The following ACOXL variants were observed in gnomAD, a reference collection of about 807,000 sequenced individuals.
The protein encoded by ACOXL is acyl-coenzyme A oxidase-like protein.
A neutral mutation model predicts 71.9 loss-of-function variants in ACOXL; 70 were observed. The ratio of observed to expected loss-of-function variants is 0.97; its 90% CI spans 0.80 to 1.19. ACOXL has a LOEUF of 1.19. ACOXL is among the 50% of genes most tolerant of loss of function. The pLI, the probability that ACOXL is intolerant of heterozygous loss-of-function variation, is 0.00. For missense variants in ACOXL, 703 were observed against 736.3 expected, an observed-to-expected ratio of 0.95 and a Z score of 0.52; for synonymous variants, 253 against 281.6, an observed-to-expected ratio of 0.90 and a Z score of 1.02.
intron 1 of ACOXL, among the ~76,000 whole-genome samples, chr2:110,768,074 GT>G (rs1681348332): frequency 6.6e-6 from 1 of 152,188 alleles, no homozygotes; most frequent in South Asian, 2.1e-4. Flanking sequence ...GGAGGTTGCA[GT>G]GAGCCGAGAT....
chr2:110,921,003 A>T (rs2149290128), intron 11 of ACOXL, among the ~76,000 whole-genome samples: 1 of 152,252 alleles, frequency 6.6e-6, no homozygotes, highest in South Asian at 2.1e-4. Flanking sequence ...TGTTGGGTAG[A>T]TTTTAATAAA....
intron 10 of ACOXL, among the ~76,000 whole-genome samples, chr2:110,847,696 A>C (rs1692087343): frequency 6.6e-6 from 1 of 152,158 alleles, no homozygotes; most frequent in Non-Finnish European, 1.5e-5. Flanking sequence ...GCCCAAACCT[A>C]ATATGGGAGT....
intron 9 of ACOXL, among the ~76,000 whole-genome samples, chr2:110,814,544 G>A (rs1687700104): frequency 6.6e-6 from 1 of 152,120 alleles, no homozygotes; most frequent in South Asian, 2.1e-4. Flanking sequence ...AGTGAACTGG[G>A]CCATTTAAAT....
chr2:111,108,364 C>A (rs1469911034), intron 17 of ACOXL, among the ~76,000 whole-genome samples: 1 of 113,006 alleles, frequency 8.8e-6, no homozygotes, highest in Non-Finnish European at 1.8e-5. Flanking sequence ...CATTGAAGTG[C>A]ATGAATCTTT....
intron 11 of ACOXL, among the ~76,000 whole-genome samples, chr2:110,923,890 C>A (rs1321627702): frequency 6.6e-6 from 1 of 151,064 alleles, no homozygotes; most frequent in Non-Finnish European, 1.5e-5. Context: ...GAGCTGAGAA[C>A]ACACCATTGT....
chr2:110,842,452 G>C (rs1376191215), intron 10 of ACOXL, among the ~76,000 whole-genome samples: 1 of 152,188 alleles, frequency 6.6e-6, no homozygotes, highest in Non-Finnish European at 1.5e-5. Context: ...AGATTAACTA[G>C]AGAAAGCATG....
At chr2:111,106,986 G>A (rs1165849392) in intron 17 of ACOXL, among the ~76,000 whole-genome samples, 2 of 152,166 alleles carry the variant, frequency 1.3e-5, no homozygotes, top group East Asian at 3.9e-4. Context: ...CACCCCATCT[G>A]GTAAAAGGAA....
At chr2:110,921,637 C>A (rs2060082717) in intron 11 of ACOXL, among the ~76,000 whole-genome samples, 1 of 152,050 alleles carries the variant, frequency 6.6e-6, no homozygotes, top group African/African-American at 2.4e-5. Context: ...TCGTGATCTG[C>A]CCGCCTTGGC....
At chr2:110,923,437 TTTGA>T (rs1223908075) in intron 11 of ACOXL, among the ~76,000 whole-genome samples, 1 of 152,008 alleles carries the variant, frequency 6.6e-6, no homozygotes, top group Non-Finnish European at 1.5e-5. Flanking sequence ...TAAGTGGAGG[TTTGA>T]CTGGTTAGAT....
At chr2:111,003,021 C>T (rs562700862) in intron 14 of ACOXL, among the ~76,000 whole-genome samples, 1 of 152,236 alleles carries the variant, frequency 6.6e-6, no homozygotes, top group African/African-American at 2.4e-5. Context: ...TGTAAAATAT[C>T]TACCTTTAAT....
intron 10 of ACOXL, among the ~76,000 whole-genome samples, chr2:110,908,087 A>G (rs2059522337): frequency 6.6e-6 from 1 of 152,246 alleles, no homozygotes; most frequent in Non-Finnish European, 1.5e-5. Context: ...GGTGACCTCT[A>G]TGAAAAGCCT....
chr2:110,932,035 A>G (rs2060495046), intron 11 of ACOXL, among the ~76,000 whole-genome samples: 1 of 152,260 alleles, frequency 6.6e-6, no homozygotes, highest in Non-Finnish European at 1.5e-5. Flanking sequence ...ATGTTCATCA[A>G]CAAGTGAATG....
chr2:110,807,200 C>T lies in ACOXL; in HGVS notation c.753+1805C>T, dbSNP rs1192222087. On this transcript the variant is annotated intron_variant, in intron 9 of 17. Transcript: ENST00000439055. ...GAAAGCCCTGGGCTCAGCCCTCATC[C>T]TGCCCATGACCAGCACTGGGGCCGT... Among the ~76,000 whole-genome samples, 3 of 152,238 alleles carry T rather than the reference C, an allele frequency of 2.0e-5. 1 individual carries two copies. In the South Asian group the frequency reaches 6.2e-4, roughly 32 times the overall value.
chr2:110,740,339 T>C (rs909849741), intron 1 of ACOXL, among the ~76,000 whole-genome samples: 7 of 152,110 alleles, frequency 4.6e-5, no homozygotes, highest in African/African-American at 1.7e-4. Context: ...TAAATCCCAG[T>C]GTTCATCTCT....
At chr2:110,910,273 C>T (rs2059605996) in intron 11 of ACOXL, among the ~76,000 whole-genome samples, 1 of 152,112 alleles carries the variant, frequency 6.6e-6, no homozygotes, top group South Asian at 2.1e-4. Flanking sequence ...TTATTTCATT[C>T]AACAGAAGGT....
chr2:111,054,662 A>T (rs2066445741), intron 16 of ACOXL, among the ~76,000 whole-genome samples: 2 of 152,178 alleles, frequency 1.3e-5, no homozygotes, highest in Non-Finnish European at 2.9e-5. Flanking sequence ...GCCTCCCTCC[A>T]CGTCCCCTGC....
At chr2:110,736,076 A>G (rs1421638748) in intron 1 of ACOXL, among the ~76,000 whole-genome samples, 2 of 152,028 alleles carry the variant, frequency 1.3e-5, no homozygotes, top group East Asian at 1.9e-4. Context: ...AGCAATGCAC[A>G]TTTCTCTTCC....
chr2:110,736,619 C>A (rs1573255764), intron 1 of ACOXL, among the ~76,000 whole-genome samples: 1 of 113,264 alleles, frequency 8.8e-6, no homozygotes, highest in Non-Finnish European at 1.8e-5. Flanking sequence ...TTTGATTACT[C>A]TTTTTTTTTT....
At chr2:110,811,730 T>TACACACACACACACAC (rs780039810) in intron 9 of ACOXL, among the ~76,000 whole-genome samples, 2,554 of 101,584 alleles carry the variant, frequency 0.025, 170 homozygotes, top group Non-Finnish European at 0.031. Flanking sequence ...TTTTTTTGCA[T>TACACACACACACACAC]ACACACACAC....
Sources: gnomAD v4.1 joint callset for allele counts (sites outside exome capture counted in the v4.1 genomes callset) on GRCh38, gnomAD v4.1.1 for gene constraint, MANE v1.5 for transcripts, NCBI Gene and HGNC (gene_info 2026-07-23, HGNC 2026-07-21) for gene names.